The following ALDH1L1 variants were observed in gnomAD, a reference collection of about 807,000 sequenced individuals.
ALDH1L1 encodes aldehyde dehydrogenase 1 family member L1, also known as cytosolic 10-formyltetrahydrofolate dehydrogenase.
Under a neutral mutation model 101.1 loss-of-function variants are expected in ALDH1L1, and 68 were observed. The ratio of observed to expected loss-of-function variants is 0.67; its 90% CI spans 0.55 to 0.82. The LOEUF is 0.82. Among genes scored for constraint, ALDH1L1 ranks in the 40% least tolerant of loss-of-function variants. The pLI is 0.00. For missense variants in ALDH1L1, 1,087 were observed against 1,172.7 expected, an observed-to-expected ratio of 0.93 and a Z score of 1.07; for synonymous variants, 486 against 470.8, an observed-to-expected ratio of 1.03 and a Z score of -0.42.
Position 126,141,502 on chromosome 3 carries a change from T to C in ALDH1L1, c.1077-3542A>G, listed in dbSNP as rs536518234. ...GTAAAAATATTGAACTCTTACAAAA[T>C]ATCTTTCCTAATCAAAATGGAATGA... is the stretch of plus-strand genomic sequence containing the variant. On this transcript the variant is annotated intron_variant, in intron 9 of 22. Coordinates refer to ENST00000393434, the MANE Select transcript of ALDH1L1 (RefSeq NM_012190.4). Among the ~76,000 whole-genome samples, 40 of 152,184 alleles carry C rather than the reference T, an allele frequency of 2.6e-4. 1 individual carries two copies. In the South Asian group the frequency reaches 7.9e-3, roughly 30 times the overall value.
At position 126,178,447 on chromosome 3, in the gene ALDH1L1, C is replaced by T. The variant is rs185607640; in HGVS notation, c.-24+2029G>A. 1.2e-3 allele frequency among the ~76,000 whole-genome samples: 174 copies of T among 149,594 alleles called. 1 individual carries two copies. Among genetic ancestry groups the T allele is most frequent in the Admixed American group, 2.3e-3 (35 of 15,044 alleles). The stretch of plus-strand genomic sequence containing the variant: ...ATAGAAAGAAAAATAGGAGAAAGCG[C>T]GCAGGAAGGGACAGACTGAGAATAT... On this transcript the variant is annotated intron_variant, in intron 1 of 22. Transcript: ENST00000393434.
At chr3:126,165,980 CT>C (rs960588809) in intron 1 of ALDH1L1, among the ~76,000 whole-genome samples, 1 of 151,216 alleles carries the variant, frequency 6.6e-6, no homozygotes, top group African/African-American at 2.4e-5. Context: ...TTGGTTTGTT[CT>C]TTTTTTCTAG....
chr3:126,154,486 G>A (rs2080866416), intron 6 of ALDH1L1, 68 bp downstream of exon 6: 8 of 1,477,928 alleles, frequency 5.4e-6, no homozygotes, highest in Admixed American at 3.4e-5. Flanking sequence ...TCAAACATGT[G>A]TGACAGTTTA....
chr3:126,104,138 G>A (rs1030301443), intron 22 of ALDH1L1: 2 of 500,572 alleles, frequency 4.0e-6, no homozygotes, highest in Non-Finnish European at 7.2e-6. Flanking sequence ...GGTGGAAGGG[G>A]GTGGAGAGAC....
intron 9 of ALDH1L1, among the ~76,000 whole-genome samples, chr3:126,138,690 G>A (rs1018636913): frequency 6.6e-6 from 1 of 152,302 alleles, no homozygotes; most frequent in African/African-American, 2.4e-5. Flanking sequence ...TGCTGGCAGG[G>A]ATGTAAATGG....
At chr3:126,184,305 G>A (rs1257869612), upstream of ALDH1L1, among the ~76,000 whole-genome samples, 1 of 152,212 alleles carries the variant, frequency 6.6e-6, no homozygotes, top group East Asian at 1.9e-4. Context: ...CCCCAGGGAT[G>A]GGCTTGTGCA....
intron 16 of ALDH1L1, among the ~76,000 whole-genome samples, chr3:126,119,309 G>A (rs1051492119): frequency 2.6e-5 from 4 of 152,208 alleles, no homozygotes; most frequent in South Asian, 4.1e-4. Context: ...GCACTTGGAT[G>A]TCTTCTGGCT....
chr3:126,124,380 G>A lies in ALDH1L1; in HGVS notation c.1872C>T (p.Asn624=), dbSNP rs766094406. 4 of 1,611,868 alleles carry A rather than the reference G, an allele frequency of 2.5e-6. No homozygotes were observed. Among genetic ancestry groups the A allele is most frequent in the South Asian group, 1.1e-5 (1 of 90,598 alleles). The part of the protein sequence containing the change: ...LKAGIPKGVV[N]VLPGSGSLVG... The stretch of plus-strand genomic sequence containing the variant: ...GGCTCTTACCAGATCCTGGGAGGAC[G>A]TTAACCACACCTTTGGGAATGCCGG... The change falls in exon 16 of 23, where the codon AAC becomes AAT. Residue 624 remains asparagine (N), a synonymous_variant. Transcript: ENST00000393434.
intron 1 of ALDH1L1, among the ~76,000 whole-genome samples, chr3:126,191,938 C>A (rs1047525564): frequency 2.0e-5 from 3 of 152,030 alleles, no homozygotes; most frequent in African/African-American, 7.2e-5. Flanking sequence ...GGTGTAATGC[C>A]TGGGAAAAAT....
At position 126,114,664 on chromosome 3, in the gene ALDH1L1, G is replaced by A. The variant is rs1230868483; in HGVS notation, c.1983-8C>T. The A allele has an allele frequency of 1.3e-6, 2 of 1,543,030 alleles. No individual in the cohort carries two copies. Among genetic ancestry groups the A allele is most frequent in the Non-Finnish European group, 1.7e-6 (2 of 1,143,644 alleles). On this transcript the variant is annotated splice_region_variant and splice_polypyrimidine_tract_variant and intron_variant, in intron 17 of 22. Transcript: ENST00000393434. ...ACGTTACTTATGGCACAGCTGCAAG[G>A]AACAGAGGGCTGGTGGGGCCGGTCC...
intron 22 of ALDH1L1, chr3:126,105,357 G>C (rs1201229182): frequency 5.8e-6 from 2 of 347,676 alleles, no homozygotes; most frequent in Non-Finnish European, 1.1e-5. Flanking sequence ...ACCAAAGCTG[G>C]TTCCCCCAAG....
chr3:126,120,185 A>G (rs187713364), intron 16 of ALDH1L1, among the ~76,000 whole-genome samples: 7 of 152,388 alleles, frequency 4.6e-5, no homozygotes, highest in African/African-American at 1.7e-4. Context: ...ACGAATGTTT[A>G]CGGCAGCTTT....
intron 1 of ALDH1L1, among the ~76,000 whole-genome samples, chr3:126,196,562 A>G (rs545945656): frequency 6.6e-6 from 1 of 152,308 alleles, no homozygotes; most frequent in South Asian, 2.1e-4. Flanking sequence ...AATGGCCAAT[A>G]TTTCTGGCTT....
intron 1 of ALDH1L1, 143 bp from the exon 2 acceptor site, chr3:126,161,145 G>A (rs1421481098): frequency 7.9e-6 from 7 of 882,696 alleles, no homozygotes; most frequent in African/African-American, 5.1e-5. Context: ...GGCCACTGAG[G>A]GGAGACTGCC....
chr3:126,136,825 C>T lies in ALDH1L1; in HGVS notation c.1283G>A (p.Gly428Glu), dbSNP rs1212721438. The T allele has an allele frequency of 1.2e-6, 2 of 1,609,688 alleles. No individual in the cohort carries two copies. The highest frequency in any genetic ancestry group is 1.7e-6 in the Non-Finnish European group (2 of 1,178,154). ...GGCGCCCTCGGCATCCACGAACTCC[C>T]CCCCAATGAAGAGCTGGTGGGGCAT... ...VRMPHQLFIGGEFVDAEGAKT... is the reference protein window; with the variant it reads ...VRMPHQLFIGEEFVDAEGAKT... Residue 428 changes from glycine to glutamate, a missense_variant, in exon 11 of 23, where the codon GGG becomes GAG. By Grantham distance (98) the Gly-to-Glu change is moderately conservative (BLOSUM62 -2). This residue lies in a region of ALDH1L1 where 645 missense variants were observed against 637.0 expected (regional missense o/e 1.01). Coordinates refer to ENST00000393434, the MANE Select transcript of ALDH1L1 (RefSeq NM_012190.4).
intron 1 of ALDH1L1, among the ~76,000 whole-genome samples, chr3:126,167,425 T>A (rs1559970780): frequency 2.6e-5 from 4 of 152,176 alleles, no homozygotes. Flanking sequence ...TTGTCTTCAT[T>A]GTACAAACAT....
At chr3:126,149,824 C>G (rs936681872) in intron 8 of ALDH1L1, among the ~76,000 whole-genome samples, 1 of 152,182 alleles carries the variant, frequency 6.6e-6, no homozygotes, top group Non-Finnish European at 1.5e-5. Flanking sequence ...TGAAGGTCTT[C>G]CCCCAGATCT....
chr3:126,182,499 G>A (rs1315844333), upstream of ALDH1L1, among the ~76,000 whole-genome samples: 1 of 152,164 alleles, frequency 6.6e-6, no homozygotes, highest in Non-Finnish European at 1.5e-5. Context: ...TGATTAACAT[G>A]TCTCTGGACA....
chr3:126,181,101 T>C (rs981744030), upstream of ALDH1L1: 8 of 1,148,756 alleles, frequency 7.0e-6, no homozygotes, highest in African/African-American at 4.6e-5. Flanking sequence ...CCTACCCGCC[T>C]CTCCGAGAGA....
Sources: allele counts gnomAD v4.1 joint callset (sites outside exome capture counted in the v4.1 genomes callset), GRCh38; gene constraint gnomAD v4.1.1; regional missense constraint gnomAD v4.1.1; transcripts MANE v1.5; gene names NCBI Gene and HGNC (gene_info 2026-07-23, HGNC 2026-07-21).